The following KIAA1217 variants were observed in gnomAD, a reference collection of about 807,000 sequenced individuals.
The protein encoded by KIAA1217 is sickle tail protein homolog.
In KIAA1217, 88 loss-of-function variants were observed where a neutral mutation model predicts 163.9. The observed-to-expected ratio is 0.54, with a 90% confidence interval of 0.45 to 0.64. The LOEUF is 0.64. Among genes scored for constraint, KIAA1217 ranks in the 30% least tolerant of loss-of-function variants. The probability of loss-of-function intolerance (pLI) is 0.00; values close to 1 mark genes in which losing one functional copy is unlikely to be tolerated. For synonymous variants in KIAA1217, 903 were observed against 923.1 expected (o/e 0.98, Z 0.39); for missense variants, 2,372 against 2,475.0 (o/e 0.96, Z 0.88).
chr10:24,239,291 G>T (rs1040562006), intron 2 of KIAA1217: 5 of 985,254 alleles, frequency 5.1e-6, no homozygotes, highest in South Asian at 4.7e-5. Flanking sequence ...AGAAGAATTA[G>T]ATTTTCTGCT....
At chr10:23,809,180 G>A (rs1295562959) in intron 1 of KIAA1217, among the ~76,000 whole-genome samples, 1 of 151,976 alleles carries the variant, frequency 6.6e-6, no homozygotes, top group East Asian at 1.9e-4. Flanking sequence ...AGTAAAGAAT[G>A]ATGAATAAAT....
At chr10:24,053,011 A>G (rs1409468752) in intron 2 of KIAA1217, among the ~76,000 whole-genome samples, 1 of 152,202 alleles carries the variant, frequency 6.6e-6, no homozygotes, top group Non-Finnish European at 1.5e-5. Flanking sequence ...ACAGTGCTAT[A>G]GCAAGTTAAC....
chr10:23,868,229 C>G (rs1840288517), intron 1 of KIAA1217, among the ~76,000 whole-genome samples: 1 of 152,078 alleles, frequency 6.6e-6, no homozygotes. Context: ...CACAAAATAA[C>G]TCCTGGGTAC....
intron 2 of KIAA1217, among the ~76,000 whole-genome samples, chr10:24,281,064 A>T (rs527330521): frequency 5.3e-5 from 8 of 152,348 alleles, no homozygotes; most frequent in Admixed American, 5.2e-4. Flanking sequence ...TGTAATTTTT[A>T]AAACTTTGAT....
chr10:24,274,399 C>G (rs2077064220), intron 2 of KIAA1217, among the ~76,000 whole-genome samples: 1 of 151,486 alleles, frequency 6.6e-6, no homozygotes, highest in South Asian at 2.1e-4. Flanking sequence ...CCCAGATTGG[C>G]TGTGTTCTCC....
chr10:24,374,604 C>T (rs985897652), intron 2 of KIAA1217, among the ~76,000 whole-genome samples: 2 of 152,134 alleles, frequency 1.3e-5, no homozygotes, highest in African/African-American at 4.8e-5. Flanking sequence ...TCACATCCAC[C>T]CGTTGTATTT....
intron 1 of KIAA1217, among the ~76,000 whole-genome samples, chr10:23,718,474 T>G (rs1379419701): frequency 6.6e-6 from 1 of 152,228 alleles, no homozygotes; most frequent in Non-Finnish European, 1.5e-5. Context: ...TAAATCTTTT[T>G]GTTTGCTTTG....
chr10:24,088,485 C>T lies in KIAA1217; in HGVS notation c.-171+81111C>T, dbSNP rs1393205716. ...AACAGGCCCCAGTGTGTGATGTTCCCCTTCCTGTGTCCAAGTGTTCTCATT... is the reference window on the plus strand; with the variant it reads ...AACAGGCCCCAGTGTGTGATGTTCCTCTTCCTGTGTCCAAGTGTTCTCATT... On this transcript the variant is annotated intron_variant, in intron 2 of 18. Transcript: ENST00000376462. Among the ~76,000 whole-genome samples the T allele has an allele frequency of 5.9e-5, 6 of 101,056 alleles. 2 individuals carry two copies. The Admixed American group carries it at 6.0e-4, about 10-fold the overall frequency. The allele number at this position is 101,056 out of a possible 152,430, so 66.3% of individuals were successfully genotyped here.
At chr10:24,056,920 A>T (rs537250783) in intron 2 of KIAA1217, among the ~76,000 whole-genome samples, 1 of 152,188 alleles carries the variant, frequency 6.6e-6, no homozygotes, top group South Asian at 2.1e-4. Context: ...GTTGTATTTA[A>T]TTACATAATT....
intron 1 of KIAA1217, among the ~76,000 whole-genome samples, chr10:23,720,935 A>G (rs1837847311): frequency 6.6e-6 from 1 of 152,198 alleles, no homozygotes; most frequent in South Asian, 2.1e-4. Flanking sequence ...TTAGAAAATT[A>G]AAACGAAAAG....
intron 2 of KIAA1217, among the ~76,000 whole-genome samples, chr10:24,124,469 C>T (rs2131787243): frequency 6.6e-6 from 1 of 152,032 alleles, no homozygotes; most frequent in Middle Eastern, 3.4e-3. Flanking sequence ...ATTAGGAACG[C>T]TTGTCCAATG....
intron 2 of KIAA1217, among the ~76,000 whole-genome samples, chr10:24,379,862 G>C (rs2053051159): frequency 6.6e-6 from 1 of 151,928 alleles, no homozygotes; most frequent in Admixed American, 6.6e-5. Flanking sequence ...GACCACCCTA[G>C]CCAACGTGGC....
At chr10:24,119,453 T>A (rs530925552) in intron 2 of KIAA1217, among the ~76,000 whole-genome samples, 26 of 151,378 alleles carry the variant, frequency 1.7e-4, no homozygotes, top group East Asian at 5.9e-4. Context: ...TAAAAATTTT[T>A]AAAAAAAACA....
intron 2 of KIAA1217, among the ~76,000 whole-genome samples, chr10:24,095,483 CCTT>C (rs2062120164): frequency 6.6e-6 from 1 of 152,144 alleles, no homozygotes; most frequent in African/African-American, 2.4e-5. Context: ...ACTGAACACA[CCTT>C]CTTCTCTTAA....
chr10:23,751,963 G>T (rs1230464564), intron 1 of KIAA1217, among the ~76,000 whole-genome samples: 1 of 152,146 alleles, frequency 6.6e-6, no homozygotes, highest in African/African-American at 2.4e-5. Context: ...TAGGCAAAAA[G>T]TAGGTGGGTA....
chr10:24,198,793 A>G (rs1431382899), intron 2 of KIAA1217, among the ~76,000 whole-genome samples: 1 of 152,166 alleles, frequency 6.6e-6, no homozygotes, highest in Non-Finnish European at 1.5e-5. Context: ...GGCCTCCACC[A>G]CTGGCAAACT....
chr10:23,747,893 C>T (rs1260600755), intron 1 of KIAA1217, among the ~76,000 whole-genome samples: 2 of 152,124 alleles, frequency 1.3e-5, no homozygotes, highest in Non-Finnish European at 2.9e-5. Flanking sequence ...TAGACCTGGG[C>T]TGTTTTGCAA....
At chr10:23,740,800 T>C (rs1320191686) in intron 1 of KIAA1217, among the ~76,000 whole-genome samples, 1 of 151,406 alleles carries the variant, frequency 6.6e-6, no homozygotes, top group Non-Finnish European at 1.5e-5. Context: ...AATGGGCGCA[T>C]GCCTGTAATC....
chr10:24,066,544 G>T (rs2060955482), intron 2 of KIAA1217, among the ~76,000 whole-genome samples: 1 of 152,140 alleles, frequency 6.6e-6, no homozygotes, highest in Admixed American at 6.6e-5. Flanking sequence ...CTTTGTGGGT[G>T]ACCTGACCTT....
Sources: allele counts gnomAD v4.1 joint callset (sites outside exome capture counted in the v4.1 genomes callset), GRCh38; gene constraint gnomAD v4.1.1; transcripts MANE v1.5; gene names NCBI Gene and HGNC (gene_info 2026-07-23, HGNC 2026-07-21).